Variants in TMTC2 observed in about 807,000 individuals in gnomAD.
TMTC2 encodes transmembrane O-mannosyltransferase targeting cadherins 2.
In TMTC2, 43 loss-of-function variants were observed where a neutral mutation model predicts 82.4. The ratio of observed to expected loss-of-function variants is 0.52; its 90% CI spans 0.41 to 0.67. The LOEUF (loss-of-function observed/expected upper bound fraction) is 0.67, where lower values mean the gene tolerates loss of function less well. Among genes scored for constraint, TMTC2 ranks in the 30% least tolerant of loss-of-function variants. The probability of loss-of-function intolerance (pLI) is 0.00; values close to 1 mark genes in which losing one functional copy is unlikely to be tolerated. For missense variants in TMTC2, 919 were observed against 1,012.4 expected, an observed-to-expected ratio of 0.91 and a Z score of 1.25; for synonymous variants, 408 against 381.9, an observed-to-expected ratio of 1.07 and a Z score of -0.80.
At chr12:83,013,222 T>C (rs572914996) in intron 8 of TMTC2, among the ~76,000 whole-genome samples, 61 of 152,302 alleles carry the variant, frequency 4.0e-4, no homozygotes, top group African/African-American at 1.4e-3. Flanking sequence ...AATAATGATA[T>C]TGTAGATATC....
intron 1 of TMTC2, among the ~76,000 whole-genome samples, chr12:82,689,308 A>G (rs530827640): frequency 4.6e-5 from 7 of 151,980 alleles, no homozygotes; most frequent in African/African-American, 1.7e-4. Context: ...TTTATTTAAA[A>G]AAAGAAACTT....
In TMTC2 at chr12:82,742,887, C is replaced by T. The variant is rs114763170; in HGVS notation, c.83+55218C>T. On this transcript the variant is annotated intron_variant, in intron 1 of 11. Coordinates refer to ENST00000321196, the MANE Select transcript of TMTC2 (RefSeq NM_152588.3). ...TTTTATTAACACCACTTCACCATTTCACCAAGGTCATATGATTTCATTAAC... is the reference window on the plus strand; with the variant it reads ...TTTTATTAACACCACTTCACCATTTTACCAAGGTCATATGATTTCATTAAC... 4.8e-3 allele frequency among the ~76,000 whole-genome samples: 738 copies of T among 152,278 alleles called. 7 individuals carry two copies. The highest frequency in any genetic ancestry group is 0.017 in the African/African-American group (705 of 41,560).
At chr12:82,959,962 C>G (rs1048339113) in intron 4 of TMTC2, among the ~76,000 whole-genome samples, 2 of 151,500 alleles carry the variant, frequency 1.3e-5, no homozygotes, top group African/African-American at 2.4e-5. Flanking sequence ...TGAGGAATGT[C>G]AATAATTGTA....
chr12:82,754,421 A>G (rs1876185559), intron 1 of TMTC2, among the ~76,000 whole-genome samples: 1 of 152,170 alleles, frequency 6.6e-6, no homozygotes, highest in African/African-American at 2.4e-5. Flanking sequence ...TTTGGATTGT[A>G]GTAGAGGTAC....
At chr12:82,737,314 CT>C (rs1245309608) in intron 1 of TMTC2, among the ~76,000 whole-genome samples, 3 of 151,358 alleles carry the variant, frequency 2.0e-5, no homozygotes, top group Non-Finnish European at 4.4e-5. Flanking sequence ...CAGTCTAACA[CT>C]TTTTTTTTGT....
chr12:83,011,128 C>T (rs1460479476), intron 8 of TMTC2, among the ~76,000 whole-genome samples: 1 of 152,194 alleles, frequency 6.6e-6, no homozygotes, highest in Admixed American at 6.5e-5. Flanking sequence ...AGCCACTGCG[C>T]CCGGCCTGAC....
chr12:82,936,474 T>C (rs541187436), intron 4 of TMTC2, among the ~76,000 whole-genome samples: 1 of 152,078 alleles, frequency 6.6e-6, no homozygotes, highest in South Asian at 2.1e-4. Flanking sequence ...ACAACAAATA[T>C]AAATGTATAT....
chr12:82,719,085 A>ATATATATATATTTTTTT (rs1282211374), intron 1 of TMTC2, among the ~76,000 whole-genome samples: 2 of 41,406 alleles, frequency 4.8e-5, no homozygotes, highest in Non-Finnish European at 7.6e-5. Flanking sequence ...ATATATATAT[A>ATATATATATATTTTTTT]TTTTTTTTTT....
intron 1 of TMTC2, among the ~76,000 whole-genome samples, chr12:82,851,987 T>C (rs958146810): frequency 2.0e-5 from 3 of 151,838 alleles, no homozygotes; most frequent in African/African-American, 7.3e-5. Context: ...TACAATAGTG[T>C]TGGCCTTTGT....
chr12:82,893,091 G>A (rs755982205), intron 2 of TMTC2, among the ~76,000 whole-genome samples: 3 of 152,104 alleles, frequency 2.0e-5, no homozygotes, highest in Non-Finnish European at 4.4e-5. Flanking sequence ...AGATTGGTGG[G>A]CCAGTCACGG....
chr12:82,883,686 G>A (rs1458762857), intron 2 of TMTC2, among the ~76,000 whole-genome samples: 1 of 152,214 alleles, frequency 6.6e-6, no homozygotes, highest in Non-Finnish European at 1.5e-5. Flanking sequence ...TGCAGGAAAT[G>A]CATTTGCAAT....
chr12:82,799,656 C>T (rs2137034036), intron 1 of TMTC2, among the ~76,000 whole-genome samples: 1 of 152,242 alleles, frequency 6.6e-6, no homozygotes, highest in Non-Finnish European at 1.5e-5. Flanking sequence ...CCATCTCTGG[C>T]ATTCCTTGCC....
chr12:82,930,467 G>A lies in TMTC2; in HGVS notation c.1520G>A (p.Ser507Asn), dbSNP rs1238242709. ...CTTGGAAATGTTCTGAAGAGTCAGA[G>A]CAAAATTTCTGAAGCTGAAAGCGCC... ...GNLGNVLKSQ[S>N]KISEAESAYR... Residue 507 changes from serine to asparagine, a missense_variant, in exon 4 of 12, where the codon AGC (serine) becomes AAC (asparagine). Physicochemically the swap from Ser to Asn is conservative, Grantham distance 46 (BLOSUM62 1). Transcript: ENST00000321196. 3 of 1,604,870 alleles carry A rather than the reference G, an allele frequency of 1.9e-6. No homozygotes were observed. The highest frequency in any genetic ancestry group is 2.6e-6 in the Non-Finnish European group (3 of 1,173,096).
At chr12:82,755,562 T>A (rs1876262876) in intron 1 of TMTC2, among the ~76,000 whole-genome samples, 1 of 152,212 alleles carries the variant, frequency 6.6e-6, no homozygotes, top group Non-Finnish European at 1.5e-5. Context: ...ATAAGCAAGA[T>A]CACCGGTGTT....
intron 3 of TMTC2, among the ~76,000 whole-genome samples, chr12:82,898,381 A>G (rs948410533): frequency 1.3e-5 from 2 of 152,218 alleles, no homozygotes; most frequent in African/African-American, 4.8e-5. Context: ...TAAAACATAT[A>G]GGGAATTGAA....
chr12:83,000,596 G>A (rs554862970), intron 8 of TMTC2, among the ~76,000 whole-genome samples: 6 of 152,308 alleles, frequency 3.9e-5, no homozygotes, highest in African/African-American at 1.4e-4. Context: ...GGCTGGTGTT[G>A]TGTGTCTGTG....
chr12:82,956,998 T>C (rs1244820896), intron 4 of TMTC2, among the ~76,000 whole-genome samples: 1 of 152,072 alleles, frequency 6.6e-6, no homozygotes, highest in Non-Finnish European at 1.5e-5. Flanking sequence ...AACTAATAAA[T>C]TCTGGACTTA....
chr12:83,132,615 A>G lies in TMTC2; in HGVS notation c.*226A>G, dbSNP rs1885298894. 2 of 518,404 alleles carry G rather than the reference A, an allele frequency of 3.9e-6. No homozygotes were observed. The highest frequency in any genetic ancestry group is 2.7e-5 in the South Asian group (1 of 36,602). 32.1% of individuals were successfully genotyped at this position (518,404 alleles called of 1,614,324 possible). A position where few individuals can be genotyped will look rare whatever the true frequency, so the allele number is the denominator to read the frequency against. ...CTCCTGGAGGATGTCATTGTTACCCATAGACTGTAAACCAGAGCACTTAAA... is the reference window on the plus strand; with the variant it reads ...CTCCTGGAGGATGTCATTGTTACCCGTAGACTGTAAACCAGAGCACTTAAA... On this transcript the variant is annotated 3_prime_UTR_variant, in exon 12 of 12. Transcript: ENST00000321196.
chr12:83,078,996 G>GA (rs1013394454), intron 11 of TMTC2, among the ~76,000 whole-genome samples: 24 of 148,486 alleles, frequency 1.6e-4, no homozygotes, highest in East Asian at 1.4e-3. Context: ...AAGCAATTTT[G>GA]AAAAAAAAAT....
Sources: gnomAD v4.1 joint callset for allele counts (sites outside exome capture counted in the v4.1 genomes callset) on GRCh38, gnomAD v4.1.1 for gene constraint, MANE v1.5 for transcripts, NCBI Gene and HGNC (gene_info 2026-07-23, HGNC 2026-07-21) for gene names.